CACNA2D3: variants seen among roughly 807,000 people sequenced by gnomAD.
CACNA2D3 encodes the protein voltage-dependent calcium channel subunit alpha-2/delta-3.
In CACNA2D3, 60 loss-of-function variants were observed where a neutral mutation model predicts 160.6. That is an observed-to-expected ratio of 0.37 (90% CI 0.30 to 0.46). The LOEUF (loss-of-function observed/expected upper bound fraction) is 0.46, where lower values mean the gene tolerates loss of function less well. CACNA2D3 is among the 20% of genes least tolerant of loss of function. CACNA2D3 has a pLI of 1.00. For synonymous variants in CACNA2D3, 558 were observed against 492.9 expected (o/e 1.13, Z -1.75); for missense variants, 1,205 against 1,365.0 (o/e 0.88, Z 1.85).
At chr3:54,864,277 CT>C (rs111622287) in intron 17 of CACNA2D3, among the ~76,000 whole-genome samples, 338 of 143,766 alleles carry the variant, frequency 2.4e-3, no homozygotes, top group Middle Eastern at 0.011. Context: ...TGTAGGTGTT[CT>C]TTTTTTTTTT....
chr3:54,203,987 C>T (rs1267076883), intron 2 of CACNA2D3, among the ~76,000 whole-genome samples: 1 of 151,962 alleles, frequency 6.6e-6, no homozygotes, highest in Non-Finnish European at 1.5e-5. Context: ...CAGGGACCCG[C>T]CCTTCTCTAC....
At chr3:54,949,656 T>C (rs750669161) in intron 27 of CACNA2D3, among the ~76,000 whole-genome samples, 1 of 152,216 alleles carries the variant, frequency 6.6e-6, no homozygotes. Context: ...CTAATTGTGT[T>C]GCAAACAGTA....
intron 13 of CACNA2D3, among the ~76,000 whole-genome samples, chr3:54,785,428 G>A (rs1335892122): frequency 6.6e-6 from 1 of 152,102 alleles, no homozygotes; most frequent in Non-Finnish European, 1.5e-5. Context: ...TTGTACATGT[G>A]CATGTCTTAT....
intron 29 of CACNA2D3, among the ~76,000 whole-genome samples, chr3:54,982,871 T>C (rs181231139): frequency 4.6e-5 from 7 of 152,290 alleles, no homozygotes; most frequent in African/African-American, 1.7e-4. Context: ...GTCACACTCA[T>C]CGCCACTTTG....
rs139762504 is a variant in CACNA2D3, at chr3:54,737,666, T to A, written c.1168-14933T>A. On this transcript the variant is annotated intron_variant, in intron 11 of 37. Coordinates refer to ENST00000474759, the MANE Select transcript of CACNA2D3 (RefSeq NM_018398.3). ...ATAGAGCTGTGAGCAAAGGCGGGGA[T>A]CTCTATCCTCTTTTTTGAGATGGAG... 1.1e-3 allele frequency among the ~76,000 whole-genome samples: 165 copies of A among 152,200 alleles called. 3 individuals carry two copies. The East Asian group carries it at 0.028, about 26-fold the overall frequency.
At chr3:54,158,130 T>C (rs1051119206) in intron 2 of CACNA2D3, among the ~76,000 whole-genome samples, 1 of 152,188 alleles carries the variant, frequency 6.6e-6, no homozygotes, top group Non-Finnish European at 1.5e-5. Context: ...TGTGATTCTT[T>C]AGCAGGGGCT....
chr3:54,203,802 C>T (rs1046365565), intron 2 of CACNA2D3, among the ~76,000 whole-genome samples: 22 of 152,058 alleles, frequency 1.4e-4, no homozygotes, highest in Non-Finnish European at 5.9e-5. Flanking sequence ...TGTCTTCTTC[C>T]GCTGATGTGC....
chr3:54,813,868 T>TA (rs1424428320), intron 13 of CACNA2D3, among the ~76,000 whole-genome samples: 2 of 148,878 alleles, frequency 1.3e-5, no homozygotes, highest in South Asian at 2.2e-4. Flanking sequence ...ATATTCTTTT[T>TA]TTTTTTTTTT....
chr3:54,559,410 A>T (rs1276438046), intron 5 of CACNA2D3, among the ~76,000 whole-genome samples: 1 of 152,030 alleles, frequency 6.6e-6, no homozygotes, highest in Non-Finnish European at 1.5e-5. Flanking sequence ...TTCCTGTCTC[A>T]GCCTCCCAAG....
chr3:54,637,291 A>T (rs1699397706), intron 10 of CACNA2D3, among the ~76,000 whole-genome samples: 1 of 151,800 alleles, frequency 6.6e-6, no homozygotes, highest in Non-Finnish European at 1.5e-5. Context: ...GGGGTGCATG[A>T]TCGGTCACCA....
chr3:54,386,688 T>TCTTCTG, intron 3 of CACNA2D3, 27 bp from the exon 4 acceptor site: 1 of 1,509,922 alleles, frequency 6.6e-7, no homozygotes. Context: ...CTTAATGCTG[T>TCTTCTG]CTTCTGTTTT....
At chr3:54,931,360 G>A (rs948623405) in intron 27 of CACNA2D3, among the ~76,000 whole-genome samples, 6 of 152,208 alleles carry the variant, frequency 3.9e-5, no homozygotes, top group South Asian at 4.1e-4. Context: ...ACACTTGGAT[G>A]TGGAGGCTGA....
chr3:54,302,037 T>G (rs1703488030), intron 2 of CACNA2D3, among the ~76,000 whole-genome samples: 1 of 152,218 alleles, frequency 6.6e-6, no homozygotes, highest in Non-Finnish European at 1.5e-5. Context: ...TTGCCTCACG[T>G]TGTTACTTTT....
At chr3:54,168,918 T>A (rs944976419) in intron 2 of CACNA2D3, among the ~76,000 whole-genome samples, 2 of 152,184 alleles carry the variant, frequency 1.3e-5, no homozygotes, top group Non-Finnish European at 2.9e-5. Flanking sequence ...GCGTGGAAGA[T>A]CTTCTGTGCA....
At chr3:54,559,379 G>T (rs539034975) in intron 5 of CACNA2D3, among the ~76,000 whole-genome samples, 1 of 151,868 alleles carries the variant, frequency 6.6e-6, no homozygotes, top group Non-Finnish European at 1.5e-5. Context: ...CTCAACCTCC[G>T]CCTCCCAGGT....
intron 5 of CACNA2D3, among the ~76,000 whole-genome samples, chr3:54,510,419 T>C (rs1701442023): frequency 6.6e-6 from 1 of 152,198 alleles, no homozygotes; most frequent in South Asian, 2.1e-4. Context: ...ACAGCCTCTG[T>C]TCTAGAGTCA....
At chr3:55,035,240 A>G (rs1235106712) in intron 35 of CACNA2D3, among the ~76,000 whole-genome samples, 1 of 152,212 alleles carries the variant, frequency 6.6e-6, no homozygotes, top group African/African-American at 2.4e-5. Context: ...GTAATTATTT[A>G]CAAACCTTCT....
Position 54,764,309 on chromosome 3 carries a change from G to T in CACNA2D3, c.1338G>T (p.Gln446His), listed in dbSNP as rs1478635424. 1 of 1,613,736 alleles carries T rather than the reference G, an allele frequency of 6.2e-7. No homozygotes were observed. The highest frequency in any genetic ancestry group is 1.3e-5 in the African/African-American group (1 of 74,878). ...HVLSRPKVID[Q>H]EHDVVWTEAY... ...TTAGCCGGCCCAAAGTCATCGACCA[G>T]GAGCATGATGTGGTGTGGACCGAAG... The change falls in exon 13 of 38, where the codon CAG becomes CAT. Residue 446 changes from glutamine to histidine, a missense_variant. By Grantham distance (24) the Gln-to-His change is conservative. Around this residue, in one of 3 missense-constraint regions of CACNA2D3, gnomAD observed 911 missense variants for 1,002.2 expected, o/e 0.91. Coordinates refer to ENST00000474759, the MANE Select transcript of CACNA2D3 (RefSeq NM_018398.3).
Position 54,123,273 on chromosome 3 carries a change from G to A in CACNA2D3, c.123-240G>A, listed in dbSNP as rs542725728. 4.6e-5 allele frequency among the ~76,000 whole-genome samples: 7 copies of A among 151,724 alleles called. No homozygotes were observed. In the South Asian group the frequency reaches 1.5e-3, roughly 32 times the overall value. ...TGAAACTCAGTGGTCTTTTTAGAGAGCCTGGGAGACTTTGCGCATTCTTAA... is the reference window on the plus strand; with the variant it reads ...TGAAACTCAGTGGTCTTTTTAGAGAACCTGGGAGACTTTGCGCATTCTTAA... On this transcript the variant is annotated intron_variant, in intron 1 of 37. Transcript: ENST00000474759.
Sources: gnomAD v4.1 joint callset for allele counts (sites outside exome capture counted in the v4.1 genomes callset) on GRCh38, gnomAD v4.1.1 for gene constraint, gnomAD v4.1.1 regional missense constraint, MANE v1.5 for transcripts, NCBI Gene and HGNC (gene_info 2026-07-23, HGNC 2026-07-21) for gene names.